The following SPAST variants were observed in gnomAD, a reference collection of about 807,000 sequenced individuals.
SPAST encodes spastin.
A neutral mutation model predicts 76.6 loss-of-function variants in SPAST; 30 were observed. That is an observed-to-expected ratio of 0.39 (90% confidence interval 0.29 to 0.53). The LOEUF (loss-of-function observed/expected upper bound fraction) is 0.53. Among genes scored for constraint, SPAST ranks in the 20% least tolerant of loss-of-function variants. The probability of loss-of-function intolerance (pLI) is 0.68; values close to 1 mark genes in which losing one functional copy is unlikely to be tolerated. For missense variants in SPAST, 717 were observed against 770.5 expected, an observed-to-expected ratio of 0.93 and a Z score of 0.82; for synonymous variants, 305 against 281.0, an observed-to-expected ratio of 1.09 and a Z score of -0.86.
At chr2:32,119,203 A>G (rs754554913) in intron 7 of SPAST, among the ~76,000 whole-genome samples, 5 of 152,174 alleles carry the variant, frequency 3.3e-5, no homozygotes, top group Non-Finnish European at 7.4e-5. Flanking sequence ...TCAGATTTCC[A>G]AGAAAGGGAA....
At chr2:32,083,787 T>TG in intron 1 of SPAST, among the ~76,000 whole-genome samples, 1 of 124,032 alleles carries the variant, frequency 8.1e-6, no homozygotes, top group East Asian at 2.6e-4. Context: ...TTTTTTTTTT[T>TG]TTTTGAGATG....
At chr2:32,071,203 G>A (rs1174710798) in intron 1 of SPAST, among the ~76,000 whole-genome samples, 1 of 152,138 alleles carries the variant, frequency 6.6e-6, no homozygotes, top group African/African-American at 2.4e-5. Flanking sequence ...AAGTACATAG[G>A]ACTAAACAGA....
At chr2:32,075,099 C>T (rs916510107) in intron 1 of SPAST, among the ~76,000 whole-genome samples, 8 of 152,060 alleles carry the variant, frequency 5.3e-5, no homozygotes, top group East Asian at 1.9e-4. Context: ...GCAGCATAAA[C>T]GAGATATGGG....
At chr2:32,067,014 T>C (rs993921738) in intron 1 of SPAST, among the ~76,000 whole-genome samples, 2 of 150,992 alleles carry the variant, frequency 1.3e-5, no homozygotes, top group African/African-American at 4.9e-5. Context: ...AAAACTGTTT[T>C]AATTGTTTTA....
intron 4 of SPAST, among the ~76,000 whole-genome samples, chr2:32,110,877 TCGTGTGTATAG>T (rs1678563562): frequency 1.8e-5 from 2 of 111,654 alleles, no homozygotes; most frequent in Admixed American, 1.0e-4. Context: ...GTATACTATA[TCGTGTGTATAG>T]AGTATATATA....
At chr2:32,090,662 T>C (rs1219847589) in intron 3 of SPAST, among the ~76,000 whole-genome samples, 1 of 152,244 alleles carries the variant, frequency 6.6e-6, no homozygotes, top group African/African-American at 2.4e-5. Context: ...TCTTTTAATG[T>C]ACAGGTTCAT....
chr2:32,065,831 A>C (rs1372272221), intron 1 of SPAST, among the ~76,000 whole-genome samples: 1 of 152,126 alleles, frequency 6.6e-6, no homozygotes, highest in Non-Finnish European at 1.5e-5. Flanking sequence ...TGGGAGTGGG[A>C]AGTGGGATAT....
At chr2:32,112,676 G>A (rs983073047) in intron 4 of SPAST, among the ~76,000 whole-genome samples, 6 of 151,248 alleles carry the variant, frequency 4.0e-5, no homozygotes, top group African/African-American at 1.5e-4. Flanking sequence ...TTTTTAACTT[G>A]AATTTTATTT....
chr2:32,109,556 A>G (rs1481283423), intron 4 of SPAST, among the ~76,000 whole-genome samples: 2 of 149,726 alleles, frequency 1.3e-5, no homozygotes, highest in Non-Finnish European at 3.0e-5. Context: ...TTTCTACTAT[A>G]TTTCCAAATA....
chr2:32,088,187 A>T (rs1677569112), intron 2 of SPAST, among the ~76,000 whole-genome samples: 1 of 151,458 alleles, frequency 6.6e-6, no homozygotes, highest in Non-Finnish European at 1.5e-5. Flanking sequence ...TGTGGGCCAC[A>T]CTTAGCTAAT....
chr2:32,075,970 G>A (rs1349427442), intron 1 of SPAST, among the ~76,000 whole-genome samples: 5 of 129,070 alleles, frequency 3.9e-5, no homozygotes, highest in Non-Finnish European at 6.3e-5. Context: ...GTGTGATCTC[G>A]GCTCACTGCA....
chr2:32,074,711 T>C (rs1676882930), intron 1 of SPAST, among the ~76,000 whole-genome samples: 1 of 152,010 alleles, frequency 6.6e-6, no homozygotes, highest in Non-Finnish European at 1.5e-5. Context: ...TTCACCATGT[T>C]GAGCAGGCTG....
chr2:32,094,147 A>T (rs1198705260), intron 3 of SPAST, among the ~76,000 whole-genome samples: 2 of 152,166 alleles, frequency 1.3e-5, no homozygotes, highest in Non-Finnish European at 2.9e-5. Flanking sequence ...TACACAAGTC[A>T]TTTTTATTGT....
At chr2:32,143,975 A>G (rs948733132) in intron 14 of SPAST, among the ~76,000 whole-genome samples, 1 of 152,196 alleles carries the variant, frequency 6.6e-6, no homozygotes. Flanking sequence ...AATTTTAATT[A>G]TTTGATAATT....
intron 4 of SPAST, among the ~76,000 whole-genome samples, chr2:32,106,349 G>C (rs1015038415): frequency 6.6e-6 from 1 of 152,158 alleles, no homozygotes; most frequent in Non-Finnish European, 1.5e-5. Flanking sequence ...TATTTTCCAG[G>C]TACCATATGT....
chr2:32,085,727 G>A (rs994004125), intron 1 of SPAST, among the ~76,000 whole-genome samples: 1 of 152,002 alleles, frequency 6.6e-6, no homozygotes, highest in Non-Finnish European at 1.5e-5. Flanking sequence ...TAGTCACTTT[G>A]TGTGGTGTTT....
chr2:32,148,420 C>T (rs998418816), intron 16 of SPAST, among the ~76,000 whole-genome samples: 1 of 151,874 alleles, frequency 6.6e-6, no homozygotes, highest in African/African-American at 2.4e-5. Flanking sequence ...GCCTGTAATC[C>T]CAGCACTTTG....
chr2:32,124,159 T>C (rs146891789), intron 7 of SPAST, among the ~76,000 whole-genome samples: 21 of 152,064 alleles, frequency 1.4e-4, no homozygotes, highest in African/African-American at 4.6e-4. Flanking sequence ...ACAAAGAACT[T>C]TTAAAACTCA....
chr2:32,076,013 G>A (rs938769863), intron 1 of SPAST, among the ~76,000 whole-genome samples: 13 of 146,782 alleles, frequency 8.9e-5, no homozygotes. Flanking sequence ...TGATTCTCCT[G>A]CCTCAGCCTC....
Sources: gnomAD v4.1 joint callset for allele counts (sites outside exome capture counted in the v4.1 genomes callset) on GRCh38, gnomAD v4.1.1 for gene constraint, MANE v1.5 for transcripts, NCBI Gene and HGNC (gene_info 2026-07-23, HGNC 2026-07-21) for gene names.